The following POLR3B variants were observed in gnomAD, a reference collection of about 807,000 sequenced individuals.
The protein encoded by POLR3B is DNA-directed RNA polymerase III subunit RPC2.
In POLR3B, 96 loss-of-function variants were observed where a neutral mutation model predicts 147.4. That is an observed-to-expected ratio of 0.65 (90% CI 0.55 to 0.77). The LOEUF (loss-of-function observed/expected upper bound fraction) is 0.77. Among genes scored for constraint, POLR3B ranks in the 30% least tolerant of loss-of-function variants. The pLI is 0.00. For missense variants in POLR3B, 1,036 were observed against 1,413.5 expected (o/e 0.73, Z 4.28); for synonymous variants, 461 against 485.9 (o/e 0.95, Z 0.67).
In POLR3B at chr12:106,406,097, A is replaced by G. The variant is rs1003279732; in HGVS notation, c.966+121A>G. 3.6e-5 allele frequency: 36 copies of G among 1,006,472 alleles called. No homozygotes were observed. In the African/African-American group the frequency reaches 5.3e-4, roughly 15 times the overall value. 62.3% of individuals were successfully genotyped at this position (1,006,472 alleles called of 1,614,324 possible). On this transcript the variant is annotated intron_variant, in intron 11 of 27. Transcript: ENST00000228347. ...TCCTCAAGAGAAAATTCTAAAGAGG[A>G]CTGTACTGCCCCATCAGAAATAACC...
At chr12:106,461,643 T>C (rs2037937945) in intron 22 of POLR3B, among the ~76,000 whole-genome samples, 1 of 152,234 alleles carries the variant, frequency 6.6e-6, no homozygotes, top group African/African-American at 2.4e-5. Context: ...GCATAGTACC[T>C]GGCACATAGT....
intron 23 of POLR3B, among the ~76,000 whole-genome samples, chr12:106,474,515 A>C (rs1359125739): frequency 1.5e-5 from 2 of 130,556 alleles, no homozygotes; most frequent in African/African-American, 5.8e-5. Context: ...TTGGTTGGTA[A>C]ACTATTGATT....
At chr12:106,372,842 T>C (rs533009564) in intron 6 of POLR3B, among the ~76,000 whole-genome samples, 8 of 151,092 alleles carry the variant, frequency 5.3e-5, no homozygotes, top group Admixed American at 2.0e-4. Flanking sequence ...TATTCTTATA[T>C]CTTCATGTCA....
intron 2 of POLR3B, among the ~76,000 whole-genome samples, chr12:106,364,564 A>G (rs2036507415): frequency 1.3e-5 from 2 of 152,238 alleles, no homozygotes; most frequent in Admixed American, 1.3e-4. Context: ...TGGTTAAACA[A>G]AAAGTTACCA....
chr12:106,471,482 G>C (rs897781899), intron 23 of POLR3B, among the ~76,000 whole-genome samples: 7 of 152,046 alleles, frequency 4.6e-5, no homozygotes, highest in African/African-American at 1.7e-4. Flanking sequence ...CCACTGTCCA[G>C]CCAGTCCCAG....
At chr12:106,498,530 T>C (rs978212767) in intron 25 of POLR3B, among the ~76,000 whole-genome samples, 3 of 152,212 alleles carry the variant, frequency 2.0e-5, no homozygotes, top group Non-Finnish European at 4.4e-5. Flanking sequence ...AGTGTTCTTC[T>C]GGGTGTTGTT....
Position 106,480,237 on chromosome 12 carries a change from G to T in POLR3B, c.2714-15818G>T, listed in dbSNP as rs73392679. Among the ~76,000 whole-genome samples, 386 of 152,192 alleles carry T rather than the reference G, an allele frequency of 2.5e-3. 3 individuals carry two copies. The highest frequency in any genetic ancestry group is 9.0e-3 in the African/African-American group (374 of 41,520). The stretch of plus-strand genomic sequence containing the variant: ...TTGTTTTAGTGTCTGATTTGTTGTT[G>T]TTGGAGGCTTTCCTCTAATACCTGG... On this transcript the variant is annotated intron_variant, in intron 23 of 27. Coordinates refer to ENST00000228347, the MANE Select transcript of POLR3B (RefSeq NM_018082.6).
At chr12:106,498,399 C>T (rs1407452250) in intron 25 of POLR3B, among the ~76,000 whole-genome samples, 2 of 152,128 alleles carry the variant, frequency 1.3e-5, no homozygotes, top group African/African-American at 2.4e-5. Context: ...CTGCAATGAT[C>T]GTGAATGACA....
At chr12:106,389,180 G>T (rs1347563514) in intron 9 of POLR3B, among the ~76,000 whole-genome samples, 1 of 152,158 alleles carries the variant, frequency 6.6e-6, no homozygotes, top group East Asian at 1.9e-4. Flanking sequence ...TTTATTTGTA[G>T]CTGTGACTAC....
At chr12:106,429,040 G>T (rs1410256093) in intron 13 of POLR3B, among the ~76,000 whole-genome samples, 1 of 152,172 alleles carries the variant, frequency 6.6e-6, no homozygotes, top group Non-Finnish European at 1.5e-5. Context: ...TTGTTTCTAT[G>T]TGCATTTTTC....
rs146836923 is a variant in POLR3B at position 106,496,750 on chromosome 12, A to T, written c.2818-2A>T. On this transcript the variant is annotated splice_acceptor_variant, in intron 24 of 27. Coordinates refer to ENST00000228347, the MANE Select transcript of POLR3B (RefSeq NM_018082.6). LOFTEE classifies it high-confidence loss of function. Reference sequence around the variant, plus strand: ...CTCACTTAATTTGTTCACATCCTGCAGGTGGGGAAGCTCATTGAGCTGCTG... The same window carrying T: ...CTCACTTAATTTGTTCACATCCTGCTGGTGGGGAAGCTCATTGAGCTGCTG... 6.2e-7 allele frequency: 1 copy of T among 1,613,874 alleles called. No individual in the cohort carries two copies. Among genetic ancestry groups the T allele is most frequent in the Non-Finnish European group, 8.5e-7 (1 of 1,179,906 alleles).
chr12:106,504,202 G>T lies in POLR3B; in HGVS notation c.3220G>T (p.Ala1074Ser). 6.2e-7 allele frequency: 1 copy of T among 1,614,130 alleles called. No individual in the cohort carries two copies. The highest frequency in any genetic ancestry group is 8.5e-7 in the Non-Finnish European group (1 of 1,179,958). The change falls in exon 27 of 28, where the codon GCC (alanine) becomes TCC (serine). Residue 1074 changes from alanine (A) to serine (S), a missense_variant. This residue lies in a region of POLR3B where 69 missense variants were observed against 89.8 expected (regional missense o/e 0.77). Coordinates refer to ENST00000228347, the MANE Select transcript of POLR3B (RefSeq NM_018082.6). The surrounding 1 kb of genome is among the most constrained non-coding windows in gnomAD (Gnocchi z 4.6). ...AGAGAGACTAATGATTTCAAGTGAT[G>T]CCTTTGAGGTTGATGTCTGTGGGCA... Reference protein sequence around the residue: ...LLERLMISSDAFEVDVCGQCG... With the variant: ...LLERLMISSDSFEVDVCGQCG...
chr12:106,440,420 C>T (rs1408386487), intron 18 of POLR3B, among the ~76,000 whole-genome samples: 2 of 152,180 alleles, frequency 1.3e-5, no homozygotes, highest in Non-Finnish European at 2.9e-5. Flanking sequence ...CAGGGGCTGT[C>T]GGTCTCCCTC....
At position 106,366,560 on chromosome 12, in the gene POLR3B, C is replaced by T; in HGVS notation, c.150C>T (p.Phe50=). The change falls in exon 3 of 28, where the codon TTC becomes TTT. Residue 50 remains phenylalanine, a synonymous_variant. Coordinates refer to ENST00000228347, the MANE Select transcript of POLR3B (RefSeq NM_018082.6). ...AGCATATAGATTCATTTAACTATTTCATTAATGTAGAGGTAAGCATCAGAT... is the reference window on the plus strand; with the variant it reads ...AGCATATAGATTCATTTAACTATTTTATTAATGTAGAGGTAAGCATCAGAT... ...VKQHIDSFNY[F]INVEIKKIMK... 1.2e-6 allele frequency: 2 copies of T among 1,607,600 alleles called. No individual in the cohort carries two copies. Among genetic ancestry groups the T allele is most frequent in the Non-Finnish European group, 1.7e-6 (2 of 1,174,236 alleles).
At chr12:106,391,744 ATCTCTGGACT>A (rs1161108872) in intron 9 of POLR3B, among the ~76,000 whole-genome samples, 1 of 152,186 alleles carries the variant, frequency 6.6e-6, no homozygotes, top group African/African-American at 2.4e-5. Flanking sequence ...AACACCTCAG[ATCTCTGGACT>A]TTTAGATAGA....
At chr12:106,505,680 T>G (rs189344331) in intron 27 of POLR3B, among the ~76,000 whole-genome samples, 2 of 152,280 alleles carry the variant, frequency 1.3e-5, no homozygotes, top group African/African-American at 4.8e-5. Context: ...GCCCCTCACC[T>G]GCCCTCCCCA....
chr12:106,462,494 C>T (rs2037952294), intron 22 of POLR3B, among the ~76,000 whole-genome samples: 1 of 152,212 alleles, frequency 6.6e-6, no homozygotes, highest in Admixed American at 6.5e-5. Flanking sequence ...CCTGCCTTGA[C>T]CTCCCAAAGT....
intron 21 of POLR3B, among the ~76,000 whole-genome samples, chr12:106,458,272 GC>G (rs145939576): frequency 1.3e-5 from 2 of 152,066 alleles, no homozygotes; most frequent in African/African-American, 2.4e-5. Flanking sequence ...ATAGGCACGT[GC>G]CACCATGCCT....
At chr12:106,497,779 A>G (rs2038518865) in intron 25 of POLR3B, among the ~76,000 whole-genome samples, 1 of 152,234 alleles carries the variant, frequency 6.6e-6, no homozygotes, top group South Asian at 2.1e-4. Context: ...GTTGCTAGAC[A>G]TTAAAAAATA....
Sources: allele counts gnomAD v4.1 joint callset (sites outside exome capture counted in the v4.1 genomes callset), GRCh38; gene constraint gnomAD v4.1.1; regional missense constraint gnomAD v4.1.1; non-coding constraint Gnocchi (gnomAD v3.1); transcripts MANE v1.5; gene names NCBI Gene and HGNC (gene_info 2026-07-23, HGNC 2026-07-21).